Variants in ROBO1 observed in about 807,000 individuals in gnomAD.
ROBO1 encodes roundabout homolog 1.
A neutral mutation model predicts 195.9 loss-of-function variants in ROBO1; 149 were observed. The ratio of observed to expected loss-of-function variants is 0.76; its 90% CI spans 0.67 to 0.87. The LOEUF is 0.87. Ranked by LOEUF, ROBO1 falls within the 40% of genes least tolerant of loss-of-function variation. The pLI is 0.00. For missense variants in ROBO1, 1,933 were observed against 2,068.3 expected (o/e 0.93, Z 1.27); for synonymous variants, 816 against 733.2 (o/e 1.11, Z -1.82).
chr3:79,314,883 C>T (rs1308760036), intron 2 of ROBO1, among the ~76,000 whole-genome samples: 1 of 152,124 alleles, frequency 6.6e-6, no homozygotes, highest in Non-Finnish European at 1.5e-5. Flanking sequence ...TTCTTCTATT[C>T]TAATAGCTGT....
intron 4 of ROBO1, among the ~76,000 whole-genome samples, chr3:78,889,931 A>G (rs1314683518): frequency 2.0e-5 from 3 of 151,934 alleles, no homozygotes; most frequent in Non-Finnish European, 4.4e-5. Context: ...ATTCTGTCAA[A>G]TTGTACTCAA....
chr3:79,232,248 A>T (rs1018405139), intron 2 of ROBO1, among the ~76,000 whole-genome samples: 7 of 134,132 alleles, frequency 5.2e-5, no homozygotes, highest in South Asian at 2.3e-4. Flanking sequence ...TCCTTGATTT[A>T]AAAAAAAAAA....
intron 2 of ROBO1, among the ~76,000 whole-genome samples, chr3:79,140,840 A>G (rs2080510061): frequency 1.3e-5 from 2 of 152,028 alleles, no homozygotes; most frequent in South Asian, 4.1e-4. Flanking sequence ...TTTCCTTAGC[A>G]CTCGTTTACA....
chr3:79,121,858 G>T (rs2080122591), intron 3 of ROBO1, among the ~76,000 whole-genome samples: 1 of 151,854 alleles, frequency 6.6e-6, no homozygotes, highest in Admixed American at 6.6e-5. Context: ...TTTGTAAAAA[G>T]ATTAAGAATG....
intron 3 of ROBO1, among the ~76,000 whole-genome samples, chr3:79,044,603 G>A (rs2078554284): frequency 6.6e-6 from 1 of 152,068 alleles, no homozygotes; most frequent in Non-Finnish European, 1.5e-5. Context: ...GAAAGTAGGG[G>A]CCTTACATTA....
At chr3:79,320,761 G>A (rs906655290) in intron 2 of ROBO1, among the ~76,000 whole-genome samples, 1 of 152,058 alleles carries the variant, frequency 6.6e-6, no homozygotes, top group Non-Finnish European at 1.5e-5. Flanking sequence ...AATTATTAAG[G>A]CTTAATGTTT....
intron 3 of ROBO1, among the ~76,000 whole-genome samples, chr3:78,958,750 A>C (rs1254115554): frequency 6.6e-6 from 1 of 151,788 alleles, no homozygotes; most frequent in Non-Finnish European, 1.5e-5. Context: ...GGATCATCCC[A>C]GTTTTAATAA....
intron 18 of ROBO1, among the ~76,000 whole-genome samples, 168 bp downstream of exon 18, chr3:78,656,928 CTT>C (rs1376443871): frequency 6.6e-6 from 1 of 152,134 alleles, no homozygotes; most frequent in Non-Finnish European, 1.5e-5. Context: ...CTCTCTCTCT[CTT>C]TCTCTCTCCT....
intron 4 of ROBO1, among the ~76,000 whole-genome samples, chr3:78,748,006 A>G (rs1236809656): frequency 2.6e-5 from 4 of 152,224 alleles, no homozygotes; most frequent in Admixed American, 2.0e-4. Flanking sequence ...TCCAATAGTT[A>G]TCATTCCTCC....
At chr3:79,750,530 T>A (rs1249314418) in intron 1 of ROBO1, among the ~76,000 whole-genome samples, 2 of 152,186 alleles carry the variant, frequency 1.3e-5, no homozygotes, top group African/African-American at 4.8e-5. Flanking sequence ...CTCCCACAAT[T>A]CCAGCATGTA....
At chr3:79,440,986 AT>A (rs1179720259) in intron 2 of ROBO1, among the ~76,000 whole-genome samples, 1 of 152,164 alleles carries the variant, frequency 6.6e-6, no homozygotes, top group East Asian at 1.9e-4. Flanking sequence ...AAAAACATTA[AT>A]ATCAAGTTAA....
chr3:79,088,927 T>C (rs781415740), intron 3 of ROBO1, among the ~76,000 whole-genome samples: 44 of 152,052 alleles, frequency 2.9e-4, no homozygotes, highest in East Asian at 1.9e-4. Flanking sequence ...TTTGGCAATA[T>C]TGGGAAAAAC....
intron 3 of ROBO1, among the ~76,000 whole-genome samples, chr3:79,064,920 G>A (rs2078980357): frequency 1.3e-5 from 2 of 151,986 alleles, no homozygotes; most frequent in African/African-American, 2.4e-5. Flanking sequence ...TCGGGGGACT[G>A]AAAAGTACTA....
rs557537716 is a variant in ROBO1, at chr3:79,149,386, G to A, written c.89-23847C>T. Among the ~76,000 whole-genome samples the A allele has an allele frequency of 4.6e-5, 7 of 151,700 alleles. No homozygotes were observed. The South Asian group carries it at 1.5e-3, about 32-fold the overall frequency. On this transcript the variant is annotated intron_variant, in intron 2 of 30. Transcript: ENST00000464233. ...TATTATCTATCTATTTTTGCATGTTGTGTGCTTCTTCTATTACAGCCCATA... is the reference window on the plus strand; with the variant it reads ...TATTATCTATCTATTTTTGCATGTTATGTGCTTCTTCTATTACAGCCCATA...
intron 4 of ROBO1, among the ~76,000 whole-genome samples, chr3:78,937,709 T>C (rs1005098104): frequency 6.6e-6 from 1 of 152,162 alleles, no homozygotes; most frequent in Non-Finnish European, 1.5e-5. Context: ...TTGGTGCTAG[T>C]GTAAATAAAC....
At chr3:79,025,856 A>C (rs2078193661) in intron 3 of ROBO1, among the ~76,000 whole-genome samples, 1 of 152,172 alleles carries the variant, frequency 6.6e-6, no homozygotes, top group Non-Finnish European at 1.5e-5. Context: ...AAGCTTAAAG[A>C]AACCAACTTT....
chr3:79,305,629 C>A (rs1198504617), intron 2 of ROBO1, among the ~76,000 whole-genome samples: 2 of 151,734 alleles, frequency 1.3e-5, no homozygotes, highest in South Asian at 4.1e-4. Flanking sequence ...TCAAGGCTTC[C>A]AATGCATTTC....
chr3:78,794,374 T>A (rs333509), intron 4 of ROBO1, among the ~76,000 whole-genome samples: 2 of 152,302 alleles, frequency 1.3e-5, no homozygotes. Flanking sequence ...TTACTATAAC[T>A]ACTGTTGTCT....
chr3:78,610,062 G>A (rs1264240036), intron 28 of ROBO1, among the ~76,000 whole-genome samples: 1 of 152,094 alleles, frequency 6.6e-6, no homozygotes, highest in East Asian at 1.9e-4. Context: ...GCATTCTTTT[G>A]TTAGTGGTTT....
Sources: allele counts gnomAD v4.1 joint callset (sites outside exome capture counted in the v4.1 genomes callset), GRCh38; gene constraint gnomAD v4.1.1; transcripts MANE v1.5; gene names NCBI Gene and HGNC (gene_info 2026-07-23, HGNC 2026-07-21).